The following NCAM2 variants were observed in gnomAD, a reference collection of about 807,000 sequenced individuals.
NCAM2 encodes neural cell adhesion molecule 2.
A neutral mutation model predicts 98.1 loss-of-function variants in NCAM2; 30 were observed. The ratio of observed to expected loss-of-function variants is 0.31; its 90% CI spans 0.23 to 0.41. NCAM2 has a LOEUF of 0.41. Ranked by LOEUF, NCAM2 falls within the 10% of genes least tolerant of loss-of-function variation. The pLI is 1.00. For missense variants in NCAM2, 867 were observed against 1,005.8 expected (o/e 0.86, Z 1.87); for synonymous variants, 368 against 342.4 (o/e 1.07, Z -0.83).
At chr21:21,440,645 C>T (rs1979106619) in intron 12 of NCAM2, among the ~76,000 whole-genome samples, 1 of 150,932 alleles carries the variant, frequency 6.6e-6, no homozygotes, top group South Asian at 2.1e-4. Flanking sequence ...TGCAGCACGG[C>T]ACTCCAGCCT....
rs111902367 is a variant in NCAM2, at chr21:21,093,316, C to T, written c.55+94698C>T. Among the ~76,000 whole-genome samples the T allele has an allele frequency of 2.6e-3, 394 of 152,090 alleles. 5 individuals are homozygous for T. The highest frequency in any genetic ancestry group is 0.01 in the Middle Eastern group (3 of 294). ...CTTTATCTTGTCTCATTAGGGATCC[C>T]AGTTACAGATGCTATTGGACATTGT... is the stretch of plus-strand genomic sequence containing the variant. On this transcript the variant is annotated intron_variant, in intron 1 of 17. Coordinates refer to ENST00000400546, the MANE Select transcript of NCAM2 (RefSeq NM_004540.5).
chr21:21,271,123 C>T (rs1309344245), intron 1 of NCAM2, among the ~76,000 whole-genome samples: 2 of 152,060 alleles, frequency 1.3e-5, no homozygotes, highest in East Asian at 3.9e-4. Context: ...AACAAGTCTA[C>T]TGAGAATGAA....
intron 16 of NCAM2, 56 bp downstream of exon 16, chr21:21,509,111 G>A (rs889690092): frequency 1.5e-4 from 234 of 1,580,462 alleles, no homozygotes; most frequent in Non-Finnish European, 2.0e-4. Context: ...AGTCAAGCTC[G>A]AGTGCTTTAC....
At chr21:21,296,065 T>C (rs1423917586) in intron 5 of NCAM2, among the ~76,000 whole-genome samples, 1 of 151,882 alleles carries the variant, frequency 6.6e-6, no homozygotes, top group Non-Finnish European at 1.5e-5. Flanking sequence ...AACAGGTATA[T>C]ACAAAGTGCT....
At chr21:21,365,683 C>A (rs1337456231) in intron 8 of NCAM2, among the ~76,000 whole-genome samples, 1 of 151,744 alleles carries the variant, frequency 6.6e-6, no homozygotes, top group Non-Finnish European at 1.5e-5. Flanking sequence ...TTAGAAGATA[C>A]AGAAAAGCAC....
intron 1 of NCAM2, among the ~76,000 whole-genome samples, chr21:21,026,156 C>A (rs1395986061): frequency 6.6e-6 from 1 of 152,026 alleles, no homozygotes; most frequent in African/African-American, 2.4e-5. Context: ...TGACATGAAC[C>A]TTGGAAGGAA....
chr21:21,218,684 A>C (rs2070010442), intron 1 of NCAM2, among the ~76,000 whole-genome samples: 2 of 152,200 alleles, frequency 1.3e-5, no homozygotes, highest in South Asian at 4.1e-4. Flanking sequence ...ATAACCTGGA[A>C]AAGGCAATAA....
intron 1 of NCAM2, among the ~76,000 whole-genome samples, chr21:21,131,696 T>C (rs544247972): frequency 6.6e-6 from 1 of 152,348 alleles, no homozygotes; most frequent in African/African-American, 2.4e-5. Flanking sequence ...CAATTTTATA[T>C]ATAGCTATAT....
intron 1 of NCAM2, among the ~76,000 whole-genome samples, chr21:21,103,868 G>T (rs1003808029): frequency 6.6e-6 from 1 of 152,078 alleles, no homozygotes; most frequent in African/African-American, 2.4e-5. Flanking sequence ...ATCTTGATGA[G>T]AAACATGCAG....
At chr21:20,999,083 T>C (rs2063972299) in intron 1 of NCAM2, among the ~76,000 whole-genome samples, 1 of 151,212 alleles carries the variant, frequency 6.6e-6, no homozygotes, top group South Asian at 2.1e-4. Context: ...TGGAGACTCT[T>C]TTTTTTTTCC....
chr21:21,365,590 A>G (rs1479275130), intron 8 of NCAM2, among the ~76,000 whole-genome samples: 3 of 152,154 alleles, frequency 2.0e-5, no homozygotes, highest in Middle Eastern at 3.4e-3. Flanking sequence ...GTATCAATAG[A>G]AACATACCAT....
chr21:21,129,735 T>C (rs1003122262), intron 1 of NCAM2, among the ~76,000 whole-genome samples: 5 of 152,196 alleles, frequency 3.3e-5, no homozygotes, highest in Non-Finnish European at 7.3e-5. Flanking sequence ...TAGGTTTCAA[T>C]ATATGAATTT....
chr21:21,275,117 T>TCATTTTTA (rs2072675334), intron 1 of NCAM2, among the ~76,000 whole-genome samples: 1 of 152,150 alleles, frequency 6.6e-6, no homozygotes. Flanking sequence ...GTTACCTATG[T>TCATTTTTA]TTTATTTTGA....
chr21:21,373,024 T>G (rs2075954793), intron 8 of NCAM2, among the ~76,000 whole-genome samples: 1 of 151,854 alleles, frequency 6.6e-6, no homozygotes, highest in Non-Finnish European at 1.5e-5. Flanking sequence ...TGTTGTTATA[T>G]TCCAATAAAG....
chr21:21,513,900 T>C (rs2146368319), intron 16 of NCAM2, among the ~76,000 whole-genome samples: 1 of 152,178 alleles, frequency 6.6e-6, no homozygotes, highest in South Asian at 2.1e-4. Flanking sequence ...TATTTATAAT[T>C]GTTATATTCC....
At chr21:21,391,945 TA>T (rs1339694455) in intron 9 of NCAM2, among the ~76,000 whole-genome samples, 6 of 152,194 alleles carry the variant, frequency 3.9e-5, no homozygotes, top group East Asian at 3.8e-4. Flanking sequence ...TTCTTATTTT[TA>T]AAAAACTTTT....
intron 6 of NCAM2, 125 bp from the exon 7 acceptor site, chr21:21,335,380 T>C (rs2074833158): frequency 3.3e-6 from 2 of 609,372 alleles, no homozygotes; most frequent in East Asian, 6.5e-5. Context: ...TTGATTGGAA[T>C]ATAGCCCTGT....
At chr21:21,314,004 A>G (rs542340514) in intron 5 of NCAM2, among the ~76,000 whole-genome samples, 1 of 152,186 alleles carries the variant, frequency 6.6e-6, no homozygotes, top group East Asian at 1.9e-4. Flanking sequence ...TTATACCTCC[A>G]TTCATTGAAA....
chr21:21,322,010 C>T (rs1258875980), intron 5 of NCAM2, among the ~76,000 whole-genome samples: 5 of 152,060 alleles, frequency 3.3e-5, no homozygotes, highest in Admixed American at 1.3e-4. Context: ...TGCACTCGTA[C>T]GATTATCACA....
Sources: allele counts gnomAD v4.1 joint callset (sites outside exome capture counted in the v4.1 genomes callset), GRCh38; gene constraint gnomAD v4.1.1; transcripts MANE v1.5; gene names NCBI Gene and HGNC (gene_info 2026-07-23, HGNC 2026-07-21).